PRKG2: variants seen among roughly 807,000 people sequenced by gnomAD.
PRKG2 encodes the protein cGMP-dependent protein kinase 2.
Under a neutral mutation model 97.2 loss-of-function variants are expected in PRKG2, and 33 were observed. The observed-to-expected ratio is 0.34, with a 90% CI of 0.26 to 0.45. The LOEUF is 0.45. Among genes scored for constraint, PRKG2 ranks in the 20% least tolerant of loss-of-function variants. PRKG2 has a pLI of 1.00. For synonymous variants in PRKG2, 330 were observed against 321.8 expected (o/e 1.03, Z -0.27); for missense variants, 638 against 900.0 (o/e 0.71, Z 3.73).
chr4:81,178,123 A>G (rs1751097262), intron 2 of PRKG2, among the ~76,000 whole-genome samples: 1 of 139,636 alleles, frequency 7.2e-6, no homozygotes, highest in South Asian at 2.5e-4. Flanking sequence ...GGACACCTGA[A>G]GGGCTGCAGC....
rs1338220148 is a variant in PRKG2 at position 81,155,597 on chromosome 4, C to T, written c.913-1876G>A. 8.4e-4 allele frequency among the ~76,000 whole-genome samples: 128 copies of T among 151,706 alleles called. 1 individual carries two copies. The highest frequency in any genetic ancestry group is 2.9e-3 in the African/African-American group (121 of 41,332). Reference sequence around the variant, plus strand: ...CAGAGAACGCCACAAAGATACTCCTCGAGAAGAGCAACACCAAGACACATA... The same window carrying T: ...CAGAGAACGCCACAAAGATACTCCTTGAGAAGAGCAACACCAAGACACATA... On this transcript the variant is annotated intron_variant, in intron 6 of 18. Transcript: ENST00000264399.
In PRKG2 at chr4:81,172,130, T is replaced by C. The variant is rs566691680; in HGVS notation, c.629-326A>G. Among the ~76,000 whole-genome samples, 4 of 152,162 alleles carry C rather than the reference T, an allele frequency of 2.6e-5. No homozygotes were observed. In the South Asian group the frequency reaches 6.2e-4, roughly 24 times the overall value. On this transcript the variant is annotated intron_variant, in intron 3 of 18. Coordinates refer to ENST00000264399, the MANE Select transcript of PRKG2 (RefSeq NM_006259.3). Reference sequence around the variant, plus strand: ...GGAATTTAGAACAATGGCTAGTGCATAGTAAATGCTGTGTGTTAGCTATTA... The same window carrying C: ...GGAATTTAGAACAATGGCTAGTGCACAGTAAATGCTGTGTGTTAGCTATTA...
intron 14 of PRKG2, among the ~76,000 whole-genome samples, chr4:81,115,484 T>G (rs1209334507): frequency 6.6e-6 from 1 of 152,224 alleles, no homozygotes; most frequent in Non-Finnish European, 1.5e-5. Context: ...AGAATCAGTT[T>G]GCCAAGCTTC....
At chr4:81,207,056 T>C (rs1230497088) in intron 1 of PRKG2, among the ~76,000 whole-genome samples, 1 of 152,184 alleles carries the variant, frequency 6.6e-6, no homozygotes, top group South Asian at 2.1e-4. Context: ...ACTGATCTTA[T>C]ATATTATGAA....
At chr4:81,091,026 T>C (rs1484524799) in intron 18 of PRKG2, among the ~76,000 whole-genome samples, 2 of 152,220 alleles carry the variant, frequency 1.3e-5, no homozygotes, top group Admixed American at 6.5e-5. Flanking sequence ...ATACTGGTGT[T>C]ATCACAAATT....
At chr4:81,216,955 A>G (rs1754293633), upstream of PRKG2, among the ~76,000 whole-genome samples, 1 of 144,312 alleles carries the variant, frequency 6.9e-6, no homozygotes. Context: ...TCAAAAAAAA[A>G]TTTTCCCAGT....
At chr4:81,208,557 G>A (rs1434010446) in intron 1 of PRKG2, among the ~76,000 whole-genome samples, 1 of 151,944 alleles carries the variant, frequency 6.6e-6, no homozygotes, top group Non-Finnish European at 1.5e-5. Flanking sequence ...GAGTAGCTAG[G>A]ACTACAGAGG....
intron 1 of PRKG2, among the ~76,000 whole-genome samples, chr4:81,210,024 T>C (rs2110136056): frequency 6.6e-6 from 1 of 152,180 alleles, no homozygotes; most frequent in Non-Finnish European, 1.5e-5. Context: ...AACTAGGCAT[T>C]AATTTTTAAA....
intron 8 of PRKG2, among the ~76,000 whole-genome samples, chr4:81,150,882 T>C (rs1241454811): frequency 6.6e-6 from 1 of 152,116 alleles, no homozygotes; most frequent in African/African-American, 2.4e-5. Flanking sequence ...ATTTTCCTAA[T>C]ATTGAAACAA....
chr4:81,192,645 T>C (rs756613567), intron 2 of PRKG2, among the ~76,000 whole-genome samples: 2 of 152,176 alleles, frequency 1.3e-5, no homozygotes, highest in Non-Finnish European at 2.9e-5. Context: ...TTATGCACAT[T>C]AACTTAAATA....
At chr4:81,151,888 C>G in intron 8 of PRKG2, 72 bp downstream of exon 8, 1 of 1,217,804 alleles carries the variant, frequency 8.2e-7, no homozygotes, top group Non-Finnish European at 1.2e-6. Flanking sequence ...AATTTAACAA[C>G]TCTAAATGAT....
At chr4:81,184,220 G>T (rs1418505331) in intron 2 of PRKG2, among the ~76,000 whole-genome samples, 1 of 152,198 alleles carries the variant, frequency 6.6e-6, no homozygotes, top group East Asian at 1.9e-4. Context: ...CCCAGCAGGG[G>T]TCGACAGACA....
intron 3 of PRKG2, chr4:81,173,924 C>T (rs1427679164): frequency 6.6e-6 from 1 of 151,946 alleles, no homozygotes. Flanking sequence ...TTCATCACTC[C>T]TTCTGGGTAA....
rs533820002 is a variant in PRKG2, at chr4:81,090,614, G to A, written c.2194-811C>T. ...CACAAATAAAATGATTTCTAACTCT[G>A]CTTTCAAACAAATGTAAGTAATGCC... On this transcript the variant is annotated intron_variant, in intron 18 of 18. Coordinates refer to ENST00000264399, the MANE Select transcript of PRKG2 (RefSeq NM_006259.3). 7.2e-5 allele frequency among the ~76,000 whole-genome samples: 11 copies of A among 152,222 alleles called. No homozygotes were observed. In the East Asian group the frequency reaches 1.9e-3, roughly 27 times the overall value.
Position 81,189,252 on chromosome 4 carries a change from G to A in PRKG2, c.462-14293C>T, listed in dbSNP as rs111450879. Among the ~76,000 whole-genome samples, 97 of 125,850 alleles carry A rather than the reference G, an allele frequency of 7.7e-4. 7 individuals are homozygous for A. Among genetic ancestry groups the A allele is most frequent in the East Asian group, 5.1e-4 (2 of 3,952 alleles). The allele number at this position is 125,850 out of a possible 152,430, so 82.6% of individuals were successfully genotyped here. Reference sequence around the variant, plus strand: ...TGTAGCATAAAGCATTTAAAATGTCGTTTCTGTATGTTCTGGCCCCATCCC... The same window carrying A: ...TGTAGCATAAAGCATTTAAAATGTCATTTCTGTATGTTCTGGCCCCATCCC... On this transcript the variant is annotated intron_variant, in intron 2 of 18. Transcript: ENST00000264399.
In PRKG2 at chr4:81,089,707, G is replaced by A. The variant is rs763399755; in HGVS notation, c.*1C>T. The A allele has an allele frequency of 6.3e-7, 1 of 1,597,130 alleles. No homozygotes were observed. Among genetic ancestry groups the A allele is most frequent in the East Asian group, 2.2e-5 (1 of 44,740 alleles). On this transcript the variant is annotated 3_prime_UTR_variant, in exon 19 of 19. Transcript: ENST00000264399. The stretch of plus-strand genomic sequence containing the variant: ...ACAGGCAGTAATCAACTTTTCTTCT[G>A]TCAGAAGTCTTTATCCCAGCCTGAT...
intron 17 of PRKG2, among the ~76,000 whole-genome samples, chr4:81,101,093 T>C (rs1742706612): frequency 6.6e-6 from 1 of 151,420 alleles, no homozygotes; most frequent in African/African-American, 2.4e-5. Context: ...TGTGGAGAAA[T>C]AGGAACACTT....
chr4:81,101,297 C>T (rs566082551), intron 17 of PRKG2, among the ~76,000 whole-genome samples: 1 of 152,084 alleles, frequency 6.6e-6, no homozygotes, highest in Non-Finnish European at 1.5e-5. Flanking sequence ...TTCACAATAG[C>T]AAAGACATGG....
chr4:81,114,052 A>G (rs1264407712), intron 14 of PRKG2, among the ~76,000 whole-genome samples: 1 of 152,168 alleles, frequency 6.6e-6, no homozygotes, highest in East Asian at 1.9e-4. Flanking sequence ...GGCGAGATGA[A>G]GGGAAGACTT....
Sources: allele counts gnomAD v4.1 joint callset (sites outside exome capture counted in the v4.1 genomes callset), GRCh38; gene constraint gnomAD v4.1.1; transcripts MANE v1.5; gene names NCBI Gene and HGNC (gene_info 2026-07-23, HGNC 2026-07-21).